ADGRE1: variants seen among roughly 807,000 people sequenced by gnomAD.
ADGRE1 encodes adhesion G protein-coupled receptor E1.
ADGRE1 carries 82 observed loss-of-function variants against 102.7 expected under a neutral mutation model. The ratio of observed to expected loss-of-function variants is 0.80; its 90% confidence interval spans 0.67 to 0.96. The LOEUF is 0.96. Ranked by LOEUF, ADGRE1 falls within the 40% of genes least tolerant of loss-of-function variation. The probability of loss-of-function intolerance (pLI) is 0.00; values close to 1 mark genes in which losing one functional copy is unlikely to be tolerated. For missense variants in ADGRE1, 1,032 were observed against 1,085.3 expected (o/e 0.95, Z 0.69); for synonymous variants, 398 against 399.6 (o/e 1.00, Z 0.05).
At chr19:6,892,191 G>T (rs555380975) in intron 2 of ADGRE1, among the ~76,000 whole-genome samples, 3 of 152,174 alleles carry the variant, frequency 2.0e-5, no homozygotes, top group Admixed American at 2.0e-4. Flanking sequence ...TGAGAAGAGA[G>T]ATACCATCTG....
chr19:6,923,698 T>C (rs1259647944), intron 14 of ADGRE1, among the ~76,000 whole-genome samples: 1 of 151,768 alleles, frequency 6.6e-6, no homozygotes, highest in Admixed American at 6.6e-5. Flanking sequence ...GCCTGGCTAA[T>C]ATTTTTTGTT....
At chr19:6,938,308 G>C (rs952915760) in intron 20 of ADGRE1, among the ~76,000 whole-genome samples, 4 of 151,664 alleles carry the variant, frequency 2.6e-5, no homozygotes, top group Non-Finnish European at 5.9e-5. Context: ...TTGCACTCCA[G>C]CCTGGGCAAA....
chr19:6,913,349 T>G (rs1974266127), intron 10 of ADGRE1, among the ~76,000 whole-genome samples: 1 of 151,938 alleles, frequency 6.6e-6, no homozygotes, highest in Non-Finnish European at 1.5e-5. Context: ...CGGCTAAATT[T>G]TTTTGTATTT....
intron 2 of ADGRE1, among the ~76,000 whole-genome samples, chr19:6,894,471 C>A (rs906257685): frequency 3.3e-5 from 5 of 152,070 alleles, no homozygotes; most frequent in African/African-American, 1.2e-4. Context: ...AAAGCAAGAT[C>A]TGAAAAATGA....
At chr19:6,905,257 A>C (rs1255854467) in intron 8 of ADGRE1, among the ~76,000 whole-genome samples, 1 of 151,936 alleles carries the variant, frequency 6.6e-6, no homozygotes, top group Non-Finnish European at 1.5e-5. Context: ...CTGAGGTGGG[A>C]GGATCGCTTG....
chr19:6,906,233 A>C (rs1339507861), intron 8 of ADGRE1, among the ~76,000 whole-genome samples, 200 bp from the exon 9 acceptor site: 1 of 152,220 alleles, frequency 6.6e-6, no homozygotes, highest in Admixed American at 6.5e-5. Flanking sequence ...GAAACCGAGC[A>C]AATTAGAAAA....
intron 10 of ADGRE1, among the ~76,000 whole-genome samples, chr19:6,911,319 C>T (rs992938248): frequency 1.2e-4 from 18 of 150,404 alleles, no homozygotes; most frequent in African/African-American, 4.1e-4. Context: ...ATTTCCTCTA[C>T]CATCTGACTG....
At position 6,940,133 on chromosome 19, in the gene ADGRE1, G is replaced by A. The variant is rs887479194; in HGVS notation, c.*104G>A. ...TCTTCTCAGCTTAACATGGAAATGA[G>A]GATCCCACCAGCCCCAGAACCCTCT... is the stretch of plus-strand genomic sequence containing the variant. On this transcript the variant is annotated 3_prime_UTR_variant, in exon 21 of 21. Transcript: ENST00000312053. The A allele has an allele frequency of 1.0e-5, 14 of 1,352,896 alleles. No individual in the cohort carries two copies. The highest frequency in any genetic ancestry group is 1.9e-5 in the Admixed American group (1 of 52,554). 83.8% of individuals were successfully genotyped at this position (1,352,896 alleles called of 1,614,324 possible).
At chr19:6,926,747 AC>A (rs1307271247) in intron 16 of ADGRE1, 146 bp downstream of exon 16, 2 of 762,448 alleles carry the variant, frequency 2.6e-6, no homozygotes, top group East Asian at 2.7e-5. Flanking sequence ...TGGTTTCAGG[AC>A]CACCATGTAC....
At chr19:6,922,649 CACACACACAA>C (rs1974721394) in intron 14 of ADGRE1, among the ~76,000 whole-genome samples, 3 of 147,870 alleles carry the variant, frequency 2.0e-5, no homozygotes, top group South Asian at 2.2e-4. Flanking sequence ...CACACACACA[CACACACACAA>C]ACAAAAAGAA....
At chr19:6,900,456 G>T (rs1973725969) in intron 5 of ADGRE1, among the ~76,000 whole-genome samples, 1 of 152,202 alleles carries the variant, frequency 6.6e-6, no homozygotes, top group African/African-American at 2.4e-5. Context: ...CTGCATTCCA[G>T]CCTGGATAAC....
chr19:6,889,381 C>T (rs1449569631), intron 1 of ADGRE1, among the ~76,000 whole-genome samples: 1 of 151,936 alleles, frequency 6.6e-6, no homozygotes, highest in Non-Finnish European at 1.5e-5. Context: ...TGCTGCAGGG[C>T]TGCATTGCCT....
intron 8 of ADGRE1, among the ~76,000 whole-genome samples, chr19:6,905,789 A>G (rs1973929846): frequency 6.6e-6 from 1 of 152,220 alleles, no homozygotes; most frequent in African/African-American, 2.4e-5. Flanking sequence ...GAGGCAATGA[A>G]GTATAACAAG....
At chr19:6,929,886 C>A (rs1320026845) in intron 17 of ADGRE1, among the ~76,000 whole-genome samples, 3 of 151,952 alleles carry the variant, frequency 2.0e-5, no homozygotes, top group Non-Finnish European at 4.4e-5. Context: ...CTCAGTTAAT[C>A]CACCTGCCTC....
At chr19:6,908,884 A>AAAGTGCTGGGATTAT in intron 10 of ADGRE1, 112 bp downstream of exon 10, 2 of 961,674 alleles carry the variant, frequency 2.1e-6, no homozygotes, top group Non-Finnish European at 3.1e-6. Flanking sequence ...CCATAATCCC[A>AAAGTGCTGGGATTAT]GCACTTTGGG....
At position 6,913,723 on chromosome 19, in the gene ADGRE1, C is replaced by T. The variant is rs113492206; in HGVS notation, c.1193C>T (p.Thr398Met). The T allele has an allele frequency of 4.6e-4, 748 of 1,613,286 alleles. 4 individuals carry two copies. In the African/African-American group the frequency reaches 7.8e-3, roughly 17 times the overall value. ...STWTKFTKEE[T>M]SSLATVFLES... ...TGGACTAAATTCACCAAGGAAGAGACGTCCTCCCTGGCCACAGTCTTCCTG... is the reference window on the plus strand; with the variant it reads ...TGGACTAAATTCACCAAGGAAGAGATGTCCTCCCTGGCCACAGTCTTCCTG... Residue 398 changes from threonine to methionine, a missense_variant, in exon 11 of 21, where the codon ACG becomes ATG. Transcript: ENST00000312053.
At position 6,916,334 on chromosome 19, in the gene ADGRE1, C is replaced by T. The variant is rs201521467; in HGVS notation, c.1386C>T (p.Ile462=). Residue 462 remains isoleucine, a synonymous_variant, in exon 12 of 21, where the codon ATC becomes ATT. Coordinates refer to ENST00000312053, the MANE Select transcript of ADGRE1 (RefSeq NM_001974.5). ...TAGCCAAGGGGGATAAGATGAAGAT[C>T]GGGTGTTCCACAATTGAGGAATCTG... ...DLVAKGDKMK[I]GCSTIEESES... is the part of the protein sequence containing the mutation. 36 of 1,613,384 alleles carry T rather than the reference C, an allele frequency of 2.2e-5. No individual in the cohort carries two copies. Among genetic ancestry groups the T allele is most frequent in the South Asian group, 1.2e-4 (11 of 91,016 alleles).
chr19:6,897,358 G>T, intron 4 of ADGRE1, 54 bp downstream of exon 4: 1 of 1,609,802 alleles, frequency 6.2e-7, no homozygotes, highest in South Asian at 1.1e-5. Flanking sequence ...TATCAGTGGG[G>T]TGAGTTCATG....
intron 14 of ADGRE1, among the ~76,000 whole-genome samples, 190 bp from the exon 15 acceptor site, chr19:6,924,488 A>G (rs1215748718): frequency 6.6e-6 from 1 of 152,162 alleles, no homozygotes; most frequent in Non-Finnish European, 1.5e-5. Context: ...AGGACTGGGA[A>G]TAGGTGCTGG....
Sources: gnomAD v4.1 joint callset for allele counts (sites outside exome capture counted in the v4.1 genomes callset) on GRCh38, gnomAD v4.1.1 for gene constraint, MANE v1.5 for transcripts, NCBI Gene and HGNC (gene_info 2026-07-23, HGNC 2026-07-21) for gene names.